Variants in GNG7 observed in about 807,000 individuals in gnomAD.
The protein encoded by GNG7 is G protein subunit gamma 7.
In GNG7, 1 loss-of-function variant was observed where a neutral mutation model predicts 4.0. The observed-to-expected ratio is 0.25, with a 90% CI of 0.09 to 1.18. The LOEUF (loss-of-function observed/expected upper bound fraction) is 1.18, where lower values mean the gene tolerates loss of function less well. Ranked by LOEUF, GNG7 falls within the 50% of genes most tolerant of loss-of-function variation. The pLI is 0.50. For synonymous variants in GNG7, 34 were observed against 36.9 expected (o/e 0.92, Z 0.29); for missense variants, 86 against 91.9 (o/e 0.94, Z 0.26).
chr19:2,527,774 ACC>A (rs59937877), intron 3 of GNG7, among the ~76,000 whole-genome samples: 29 of 125,122 alleles, frequency 2.3e-4, no homozygotes, highest in African/African-American at 9.0e-4. Context: ...TTGCCAGGAA[ACC>A]CCCCCCCCCA....
At chr19:2,592,278 A>G (rs912847144) in intron 2 of GNG7, among the ~76,000 whole-genome samples, 6 of 152,210 alleles carry the variant, frequency 3.9e-5, no homozygotes. Context: ...AAAAAATGGC[A>G]ACCAAAAACA....
rs986275039 is a variant in GNG7, at chr19:2,512,526, G to A, written c.*2496C>T. 13 of 255,814 alleles carry A rather than the reference G, an allele frequency of 5.1e-5. No homozygotes were observed. The highest frequency in any genetic ancestry group is 1.8e-4 in the East Asian group (1 of 5,670). 15.8% of individuals were successfully genotyped at this position (255,814 alleles called of 1,614,324 possible). ...AGGCCAGCCTGTCCTTCCCCTCCCC[G>A]AGCCTCAGTTTACCTGGAACGCTCA... On this transcript the variant is annotated 3_prime_UTR_variant, in exon 5 of 5. Transcript: ENST00000382159. This position sits in a 1 kb window ranked among gnomAD's most constrained non-coding sequence, Gnocchi z 4.7.
chr19:2,643,126 G>A (rs910417552), intron 2 of GNG7: 39 of 453,018 alleles, frequency 8.6e-5, no homozygotes, highest in Non-Finnish European at 1.5e-4. Flanking sequence ...AGCCCTCTCC[G>A]GGCTCTGCAC....
intron 1 of GNG7, among the ~76,000 whole-genome samples, chr19:2,656,337 C>T (rs575557482): frequency 6.6e-6 from 1 of 152,344 alleles, no homozygotes; most frequent in Non-Finnish European, 1.5e-5. Flanking sequence ...GGTGCGGTGG[C>T]TCACGCCTGT....
chr19:2,639,958 AGGGAAGGAAGGAG>A (rs1982453347), intron 2 of GNG7, among the ~76,000 whole-genome samples: 1 of 59,542 alleles, frequency 1.7e-5, no homozygotes, highest in Non-Finnish European at 3.2e-5. Flanking sequence ...GAGAGGAAGG[AGGGAAGGAAGGAG>A]GGGGGAGGGA....
chr19:2,567,912 G>C (rs553163645), intron 2 of GNG7, among the ~76,000 whole-genome samples: 1 of 152,284 alleles, frequency 6.6e-6, no homozygotes, highest in Admixed American at 6.5e-5. Context: ...GGAAGGGAGA[G>C]AAGGGCGTTG....
At chr19:2,583,257 T>C (rs1378469272) in intron 2 of GNG7, among the ~76,000 whole-genome samples, 1 of 152,252 alleles carries the variant, frequency 6.6e-6, no homozygotes, top group Admixed American at 6.5e-5. Context: ...AGGATATTTT[T>C]CTTTAAACCT....
chr19:2,527,228 TC>T (rs1978434894), intron 3 of GNG7, among the ~76,000 whole-genome samples: 1 of 152,046 alleles, frequency 6.6e-6, no homozygotes, highest in South Asian at 2.1e-4. Flanking sequence ...CCTCTCCCGG[TC>T]CCCTCCAGGG....
At chr19:2,664,349 G>T (rs781385156) in intron 1 of GNG7, among the ~76,000 whole-genome samples, 13 of 152,224 alleles carry the variant, frequency 8.5e-5, no homozygotes, top group Non-Finnish European at 1.3e-4. Context: ...TGCAAAGGAA[G>T]GGGGCAGAGA....
chr19:2,553,972 ATATAT>A (rs1979464451), intron 3 of GNG7, among the ~76,000 whole-genome samples: 1 of 66,982 alleles, frequency 1.5e-5, no homozygotes, highest in East Asian at 3.3e-4. Context: ...ACACATATGT[ATATAT>A]TATATGTAAT....
intron 1 of GNG7, among the ~76,000 whole-genome samples, chr19:2,656,043 AGAAAGAAAG>A (rs1982965240): frequency 1.9e-5 from 2 of 102,754 alleles, no homozygotes; most frequent in African/African-American, 4.9e-5. Flanking sequence ...AAAAAAAAAA[AGAAAGAAAG>A]AAAAAAAAAA....
chr19:2,571,588 C>CTTTTTTTTTTT (rs779497111), intron 2 of GNG7, among the ~76,000 whole-genome samples: 12 of 68,018 alleles, frequency 1.8e-4, no homozygotes, highest in Non-Finnish European at 2.3e-4. Context: ...CATTTCTTTC[C>CTTTTTTTTTTT]TTTTTTTTTT....
Position 2,513,066 on chromosome 19 carries a change from G to A in GNG7, c.*1956C>T. The A allele has an allele frequency of 1.0e-6, 1 of 985,596 alleles. No individual in the cohort carries two copies. The highest frequency in any genetic ancestry group is 1.2e-6 in the Non-Finnish European group (1 of 830,080). 61.1% of individuals were successfully genotyped at this position (985,596 alleles called of 1,614,324 possible). On this transcript the variant is annotated 3_prime_UTR_variant, in exon 5 of 5. Coordinates refer to ENST00000382159, the MANE Select transcript of GNG7 (RefSeq NM_052847.3). ...CGTAGAGAGCTGGGTGCCGGGGGTG[G>A]GGAGCCCGGCTGTGGCCTGTGGGAG...
At chr19:2,693,247 A>G (rs1390726979) in intron 1 of GNG7, among the ~76,000 whole-genome samples, 1 of 151,132 alleles carries the variant, frequency 6.6e-6, no homozygotes, top group Non-Finnish European at 1.5e-5. Flanking sequence ...GCAATATCCT[A>G]TCTTTACAAA....
At chr19:2,591,755 G>T (rs1042988165) in intron 2 of GNG7, among the ~76,000 whole-genome samples, 1 of 152,052 alleles carries the variant, frequency 6.6e-6, no homozygotes, top group Non-Finnish European at 1.5e-5. Flanking sequence ...AAATCAATAA[G>T]AAAAACTCAA....
intron 2 of GNG7, among the ~76,000 whole-genome samples, chr19:2,559,533 A>G (rs1199297820): frequency 6.8e-6 from 1 of 147,726 alleles, no homozygotes; most frequent in East Asian, 2.0e-4. Context: ...TTTTTCTCTC[A>G]AGATGGAGTT....
chr19:2,623,650 G>A (rs1981938136), intron 2 of GNG7, among the ~76,000 whole-genome samples: 1 of 152,182 alleles, frequency 6.6e-6, no homozygotes, highest in Non-Finnish European at 1.5e-5. Context: ...GGAGGCCAAG[G>A]CAGGTGGATC....
At chr19:2,608,342 C>T (rs910423256) in intron 2 of GNG7, among the ~76,000 whole-genome samples, 2 of 152,142 alleles carry the variant, frequency 1.3e-5, no homozygotes, top group South Asian at 4.1e-4. Context: ...CCCCGAAGCC[C>T]CTGCAAGGCA....
intron 2 of GNG7, among the ~76,000 whole-genome samples, chr19:2,590,621 C>T (rs1980819078): frequency 7.1e-6 from 1 of 140,756 alleles, no homozygotes; most frequent in Admixed American, 7.2e-5. Context: ...ATCCATCTAT[C>T]CATTCATCCA....
Sources: allele counts gnomAD v4.1 joint callset (sites outside exome capture counted in the v4.1 genomes callset), GRCh38; gene constraint gnomAD v4.1.1; non-coding constraint Gnocchi (gnomAD v3.1); transcripts MANE v1.5; gene names NCBI Gene and HGNC (gene_info 2026-07-23, HGNC 2026-07-21).